NUBPL: variants seen among roughly 807,000 people sequenced by gnomAD.
The protein encoded by NUBPL is NUBP iron-sulfur cluster assembly factor, mitochondrial.
Under a neutral mutation model 45.7 loss-of-function variants are expected in NUBPL, and 31 were observed. The ratio of observed to expected loss-of-function variants is 0.68; its 90% confidence interval spans 0.51 to 0.92. The LOEUF (loss-of-function observed/expected upper bound fraction) is 0.92. NUBPL is among the 40% of genes least tolerant of loss of function. NUBPL has a pLI of 0.00. For synonymous variants in NUBPL, 144 were observed against 140.9 expected (o/e 1.02, Z -0.15); for missense variants, 401 against 398.7 (o/e 1.01, Z -0.05).
chr14:31,702,185 G>A lies in NUBPL; in HGVS notation c.513+28611G>A, dbSNP rs949254781. Among the ~76,000 whole-genome samples, 3 of 152,218 alleles carry A rather than the reference G, an allele frequency of 2.0e-5. No individual in the cohort carries two copies. The East Asian group carries it at 5.8e-4, about 29-fold the overall frequency. On this transcript the variant is annotated intron_variant, in intron 6 of 10. Transcript: ENST00000281081. ...GGAGTCTGGGGAGTTATCAAATGCA[G>A]AGCCTCTGTTGTCTTTTCCCCTCAG...
At chr14:31,613,423 T>A (rs902950459) in intron 4 of NUBPL, among the ~76,000 whole-genome samples, 2 of 152,002 alleles carry the variant, frequency 1.3e-5, no homozygotes, top group African/African-American at 2.4e-5. Context: ...TAACTTATTG[T>A]ACATTTAAAA....
chr14:31,729,900 T>G (rs1466080566), intron 6 of NUBPL, among the ~76,000 whole-genome samples: 1 of 152,176 alleles, frequency 6.6e-6, no homozygotes, highest in East Asian at 1.9e-4. Flanking sequence ...ATAATAACAG[T>G]GATAGTGGTC....
At chr14:31,845,654 T>G (rs1351225229) in intron 8 of NUBPL, 1 of 152,740 alleles carries the variant, frequency 6.5e-6, no homozygotes, top group Non-Finnish European at 1.5e-5. Context: ...AGAGCGAAAC[T>G]CCATCTCAGA....
chr14:31,629,279 C>T (rs1250153548), intron 4 of NUBPL, among the ~76,000 whole-genome samples: 4 of 152,014 alleles, frequency 2.6e-5, no homozygotes, highest in Non-Finnish European at 4.4e-5. Context: ...TGTTTCTTCT[C>T]CTTTTATTAA....
intron 4 of NUBPL, among the ~76,000 whole-genome samples, chr14:31,624,808 G>A (rs145182880): frequency 1.5e-3 from 227 of 152,206 alleles, no homozygotes; most frequent in Middle Eastern, 0.014. Flanking sequence ...CAAGTGATCC[G>A]CCTGCCTTGG....
At chr14:31,822,835 G>T (rs374686294) in intron 7 of NUBPL, among the ~76,000 whole-genome samples, 2 of 152,158 alleles carry the variant, frequency 1.3e-5, no homozygotes, top group South Asian at 4.1e-4. Flanking sequence ...TTGTTCGAAT[G>T]GTGCTATTCA....
At chr14:31,819,222 T>C (rs1296550750) in intron 7 of NUBPL, among the ~76,000 whole-genome samples, 2 of 152,246 alleles carry the variant, frequency 1.3e-5, no homozygotes, top group African/African-American at 4.8e-5. Flanking sequence ...ATATTTGGTA[T>C]TGTTTTTGTT....
chr14:31,728,635 C>G (rs2037979075), intron 6 of NUBPL, among the ~76,000 whole-genome samples: 1 of 152,120 alleles, frequency 6.6e-6, no homozygotes, highest in Non-Finnish European at 1.5e-5. Context: ...ATAAGAACCC[C>G]TACTATTGAT....
intron 7 of NUBPL, among the ~76,000 whole-genome samples, chr14:31,813,532 T>TA (rs2039856848): frequency 1.3e-5 from 2 of 149,118 alleles, no homozygotes; most frequent in South Asian, 2.1e-4. Context: ...CACACATACA[T>TA]CCATACACAC....
chr14:31,755,106 C>A (rs2138702679), intron 6 of NUBPL, among the ~76,000 whole-genome samples: 1 of 152,028 alleles, frequency 6.6e-6, no homozygotes, highest in East Asian at 1.9e-4. Context: ...CATTGTTGGA[C>A]ATTTGGGTTG....
At chr14:31,705,156 T>C (rs1422911947) in intron 6 of NUBPL, among the ~76,000 whole-genome samples, 1 of 151,222 alleles carries the variant, frequency 6.6e-6, no homozygotes, top group Non-Finnish European at 1.5e-5. Flanking sequence ...GCGTCCGGAG[T>C]TGTTTGTTAC....
intron 3 of NUBPL, among the ~76,000 whole-genome samples, chr14:31,586,951 C>T (rs2034010712): frequency 6.6e-6 from 1 of 152,142 alleles, no homozygotes; most frequent in African/African-American, 2.4e-5. Flanking sequence ...ATGTCACTTA[C>T]TTGAATCTAA....
intron 4 of NUBPL, among the ~76,000 whole-genome samples, chr14:31,622,193 A>G (rs1000741666): frequency 6.6e-6 from 1 of 152,194 alleles, no homozygotes; most frequent in African/African-American, 2.4e-5. Flanking sequence ...TATCTGGCAG[A>G]AGAAATCTCT....
rs76419717 is a variant in NUBPL at position 31,799,479 on chromosome 14, A to G, written c.607+11606A>G. ...TCCATCTTGTTACATAAAATGGATA[A>G]CAACCTCATTACAGGTACACCTTGG... is the stretch of plus-strand genomic sequence containing the variant. On this transcript the variant is annotated intron_variant, in intron 7 of 10. Coordinates refer to ENST00000281081, the MANE Select transcript of NUBPL (RefSeq NM_025152.3). 7.2e-5 allele frequency among the ~76,000 whole-genome samples: 11 copies of G among 152,286 alleles called. No homozygotes were observed. The East Asian group carries it at 1.2e-3, about 16-fold the overall frequency.
chr14:31,745,104 A>G (rs1595571592), intron 6 of NUBPL, among the ~76,000 whole-genome samples: 1 of 151,760 alleles, frequency 6.6e-6, no homozygotes, highest in Non-Finnish European at 1.5e-5. Context: ...CACAATGTGC[A>G]GGTTTGTTAC....
chr14:31,600,871 G>T (rs2034415021), intron 4 of NUBPL, among the ~76,000 whole-genome samples: 1 of 151,410 alleles, frequency 6.6e-6, no homozygotes, highest in Non-Finnish European at 1.5e-5. Flanking sequence ...TTCTTCTAGG[G>T]TTTTTATGGT....
chr14:31,635,666 TA>T (rs2035474076), intron 4 of NUBPL, among the ~76,000 whole-genome samples: 1 of 151,980 alleles, frequency 6.6e-6, no homozygotes, highest in South Asian at 2.1e-4. Context: ...ATTGAATCTA[TA>T]AATTCCCTTG....
chr14:31,699,695 A>G (rs1488667976), intron 6 of NUBPL, among the ~76,000 whole-genome samples: 2 of 152,210 alleles, frequency 1.3e-5, no homozygotes, highest in African/African-American at 4.8e-5. Flanking sequence ...ATTCAGCTAC[A>G]AGTTTTGTAT....
chr14:31,718,355 T>C lies in NUBPL; in HGVS notation c.513+44781T>C, dbSNP rs769396705. On this transcript the variant is annotated intron_variant, in intron 6 of 10. Transcript: ENST00000281081. ...TAATAGCAAAGATAGAAATAAAATA[T>C]ATAACTAATCTTAGTTAAGAAAATC... 4.8e-4 allele frequency among the ~76,000 whole-genome samples: 73 copies of C among 152,310 alleles called. 1 individual carries two copies. The highest frequency in any genetic ancestry group is 7.1e-4 in the Non-Finnish European group (48 of 68,020).
Sources: gnomAD v4.1 joint callset for allele counts (sites outside exome capture counted in the v4.1 genomes callset) on GRCh38, gnomAD v4.1.1 for gene constraint, MANE v1.5 for transcripts, NCBI Gene and HGNC (gene_info 2026-07-23, HGNC 2026-07-21) for gene names.